EPS15L1: variants seen among roughly 807,000 people sequenced by gnomAD.
EPS15L1 encodes the protein epidermal growth factor receptor substrate 15-like 1.
Under a neutral mutation model 117.1 loss-of-function variants are expected in EPS15L1, and 43 were observed. The ratio of observed to expected loss-of-function variants is 0.37; its 90% CI spans 0.29 to 0.47. The LOEUF (loss-of-function observed/expected upper bound fraction) is 0.47, where lower values mean the gene tolerates loss of function less well. Among genes scored for constraint, EPS15L1 ranks in the 20% least tolerant of loss-of-function variants. EPS15L1 has a pLI of 0.99. For missense variants in EPS15L1, 981 were observed against 1,164.0 expected (o/e 0.84, Z 2.29); for synonymous variants, 459 against 470.5 (o/e 0.98, Z 0.32).
intron 17 of EPS15L1, 118 bp from the exon 18 acceptor site, chr19:16,394,119 G>C (rs1568413673): frequency 1.1e-6 from 1 of 871,944 alleles, no homozygotes; most frequent in Non-Finnish European, 1.9e-6. Context: ...TCCAGTGTAG[G>C]GAGAGAATGT....
intron 18 of EPS15L1, among the ~76,000 whole-genome samples, chr19:16,392,861 A>G (rs2092492599): frequency 6.6e-6 from 1 of 152,018 alleles, no homozygotes; most frequent in Non-Finnish European, 1.5e-5. Context: ...CAAGACCAGC[A>G]TGGGCAACAC....
chr19:16,403,858 C>T lies in EPS15L1; in HGVS notation c.1501G>A (p.Ala501Thr), dbSNP rs2092627989. The part of the protein sequence containing the change: ...LKSQEDDLNR[A>T]KSELNRLQQE... Reference sequence around the variant, plus strand: ...TGCAATCGGTTCAGCTCCGACTTGGCTCGGTTCAGATCGTCTTCCTGGGAC... The same window carrying T: ...TGCAATCGGTTCAGCTCCGACTTGGTTCGGTTCAGATCGTCTTCCTGGGAC... The change falls in exon 15 of 24, where the codon GCC becomes ACC. Residue 501 changes from alanine to threonine, a missense_variant. Around this residue, in one of 5 missense-constraint regions of EPS15L1, gnomAD observed 819 missense variants for 949.0 expected, o/e 0.86. Coordinates refer to ENST00000455140, the MANE Select transcript of EPS15L1 (RefSeq NM_001258374.3). 1 of 1,614,056 alleles carries T rather than the reference C, an allele frequency of 6.2e-7. No homozygotes were observed. Among genetic ancestry groups the T allele is most frequent in the Non-Finnish European group, 8.5e-7 (1 of 1,180,048 alleles).
chr19:16,452,897 T>C (rs658931), intron 1 of EPS15L1, among the ~76,000 whole-genome samples: 56,283 of 151,662 alleles, frequency 0.37, 11,201 homozygotes, highest in African/African-American at 0.52. Flanking sequence ...CCCCGGTTCA[T>C]GCCATTCTCC....
intron 21 of EPS15L1, among the ~76,000 whole-genome samples, chr19:16,379,633 G>A (rs987424045): frequency 6.6e-6 from 1 of 152,076 alleles, no homozygotes; most frequent in African/African-American, 2.4e-5. Flanking sequence ...ACACTGACAC[G>A]GCCATCTAGG....
chr19:16,467,173 G>A (rs2093312533), intron 1 of EPS15L1, among the ~76,000 whole-genome samples: 1 of 150,084 alleles, frequency 6.7e-6, no homozygotes, highest in Non-Finnish European at 1.5e-5. Context: ...TTGAGACGTA[G>A]TGTCACTTTG....
chr19:16,400,820 A>T, intron 16 of EPS15L1: 1 of 985,422 alleles, frequency 1.0e-6, no homozygotes, highest in Non-Finnish European at 1.2e-6. Context: ...GAGTTGGGGG[A>T]ATCACTGGCC....
intron 5 of EPS15L1, 123 bp from the exon 6 acceptor site, chr19:16,437,122 A>T: frequency 1.3e-6 from 1 of 774,878 alleles, no homozygotes; most frequent in Non-Finnish European, 2.2e-6. Flanking sequence ...CACAAAGTTA[A>T]ACACAGAATC....
intron 8 of EPS15L1, among the ~76,000 whole-genome samples, chr19:16,426,297 A>C (rs956186303): frequency 6.6e-6 from 1 of 152,224 alleles, no homozygotes; most frequent in African/African-American, 2.4e-5. Context: ...AGCCAGGCCC[A>C]GGCCTAGGAA....
chr19:16,462,711 T>C (rs1473074474), intron 1 of EPS15L1, among the ~76,000 whole-genome samples: 1 of 151,992 alleles, frequency 6.6e-6, no homozygotes, highest in East Asian at 1.9e-4. Flanking sequence ...AGTGGGACTC[T>C]GAGAAGGCAG....
At position 16,361,802 on chromosome 19, in the gene EPS15L1, A is replaced by G. The variant is rs758957356; in HGVS notation, c.2563T>C (p.Ser855Pro). 6.2e-7 allele frequency: 1 copy of G among 1,613,774 alleles called. No homozygotes were observed. The highest frequency in any genetic ancestry group is 1.7e-5 in the Admixed American group (1 of 59,968). Residue 855 changes from serine to proline, a missense_variant, in exon 23 of 24, where the codon TCG becomes CCG. By Grantham distance (74) the Ser-to-Pro change is moderately conservative. Around this residue, in one of 5 missense-constraint regions of EPS15L1, gnomAD observed 819 missense variants for 949.0 expected, o/e 0.86. Coordinates refer to ENST00000455140, the MANE Select transcript of EPS15L1 (RefSeq NM_001258374.3). The part of the protein sequence containing the change: ...SAAKPSKASA[S>P]GFADFTSFGN... ...ACAGAGGTGAAGTCTGCAAAGCCCG[A>G]GGCAGAGGCCTTAGAAGGTTTAGCT...
chr19:16,427,524 A>G (rs2092883605), intron 8 of EPS15L1, among the ~76,000 whole-genome samples: 2 of 152,192 alleles, frequency 1.3e-5, no homozygotes, highest in Non-Finnish European at 1.5e-5. Flanking sequence ...TCAGACTTTC[A>G]GATTAAGGAT....
intron 1 of EPS15L1, among the ~76,000 whole-genome samples, chr19:16,447,591 C>T (rs1343175683): frequency 6.6e-6 from 1 of 152,018 alleles, no homozygotes; most frequent in Non-Finnish European, 1.5e-5. Context: ...GAAACCCCAT[C>T]ACTACTAAAA....
At chr19:16,373,240 G>A (rs974357531) in intron 22 of EPS15L1, among the ~76,000 whole-genome samples, 1 of 152,182 alleles carries the variant, frequency 6.6e-6, no homozygotes. Flanking sequence ...ACAGGGGGTC[G>A]CATTTCACCT....
At chr19:16,412,339 A>T (rs2092714104) in intron 13 of EPS15L1, among the ~76,000 whole-genome samples, 1 of 151,918 alleles carries the variant, frequency 6.6e-6, no homozygotes, top group Non-Finnish European at 1.5e-5. Context: ...ATCTCTACTA[A>T]AATACAAAAA....
At chr19:16,400,790 A>G (rs1243179206) in intron 16 of EPS15L1, 2 of 985,416 alleles carry the variant, frequency 2.0e-6, no homozygotes, top group Non-Finnish European at 1.2e-6. Context: ...AATAACCAGA[A>G]AGGTAAAAAT....
chr19:16,458,931 G>C (rs769908231), intron 1 of EPS15L1, among the ~76,000 whole-genome samples: 1 of 152,214 alleles, frequency 6.6e-6, no homozygotes, highest in African/African-American at 2.4e-5. Flanking sequence ...ATCGTCGTGA[G>C]GACATCCTGG....
intron 1 of EPS15L1, among the ~76,000 whole-genome samples, chr19:16,461,096 G>A (rs1280302137): frequency 1.3e-5 from 2 of 150,986 alleles, no homozygotes; most frequent in Non-Finnish European, 3.0e-5. Context: ...ATGAGGTCAG[G>A]AGATCGAGAC....
Position 16,355,854 on chromosome 19 carries a change from G to A in EPS15L1, c.2587-3C>T. ...AGCTGCTGCTCCTCATTGCCAAACT[G>A]CAAAGGAAAAACGGAGAGTGGGTGA... On this transcript the variant is annotated splice_polypyrimidine_tract_variant and splice_region_variant and intron_variant, in intron 23 of 23. Transcript: ENST00000455140. The A allele has an allele frequency of 6.5e-7, 1 of 1,535,422 alleles. No individual in the cohort carries two copies. The highest frequency in any genetic ancestry group is 8.7e-7 in the Non-Finnish European group (1 of 1,146,372).
chr19:16,437,035 A>C (rs1175011826), intron 5 of EPS15L1, 36 bp from the exon 6 acceptor site: 1 of 1,594,554 alleles, frequency 6.3e-7, no homozygotes, highest in Non-Finnish European at 8.6e-7. Flanking sequence ...TGTGGCTGGC[A>C]CAGAATTAAA....
Sources: gnomAD v4.1 joint callset for allele counts (sites outside exome capture counted in the v4.1 genomes callset) on GRCh38, gnomAD v4.1.1 for gene constraint, gnomAD v4.1.1 regional missense constraint, MANE v1.5 for transcripts, NCBI Gene and HGNC (gene_info 2026-07-23, HGNC 2026-07-21) for gene names.